The following UBXN7 variants were observed in gnomAD, a reference collection of about 807,000 sequenced individuals.
UBXN7 encodes UBX domain protein 7.
Under a neutral mutation model 58.0 loss-of-function variants are expected in UBXN7, and 9 were observed. The ratio of observed to expected loss-of-function variants is 0.16; its 90% CI spans 0.09 to 0.27. The LOEUF is 0.27. Among genes scored for constraint, UBXN7 ranks in the 10% least tolerant of loss-of-function variants. UBXN7 has a pLI of 1.00. For synonymous variants in UBXN7, 208 were observed against 205.0 expected, an observed-to-expected ratio of 1.01 and a Z score of -0.12; for missense variants, 328 against 599.6, an observed-to-expected ratio of 0.55 and a Z score of 4.73.
rs112850559 is a variant in UBXN7, at chr3:196,425,187, C to T, written c.73+7140G>A. On this transcript the variant is annotated intron_variant, in intron 1 of 10. Transcript: ENST00000296328. ...CTATTCCATACCTTCATAAATAGCACTGTTACATACCTAGGTGTCCAAAAC... is the reference window on the plus strand; with the variant it reads ...CTATTCCATACCTTCATAAATAGCATTGTTACATACCTAGGTGTCCAAAAC... Among the ~76,000 whole-genome samples the T allele has an allele frequency of 6.1e-3, 936 of 152,234 alleles. 5 individuals are homozygous for T. The highest frequency in any genetic ancestry group is 0.01 in the Non-Finnish European group (692 of 68,024).
chr3:196,414,312 G>A (rs191125140), intron 1 of UBXN7, among the ~76,000 whole-genome samples: 4 of 152,152 alleles, frequency 2.6e-5, no homozygotes, highest in Non-Finnish European at 4.4e-5. Flanking sequence ...TTTTCAATAC[G>A]CAGGCTAAAT....
intron 5 of UBXN7, among the ~76,000 whole-genome samples, chr3:196,389,609 C>T (rs1470945910): frequency 2.0e-5 from 3 of 152,244 alleles, no homozygotes; most frequent in Admixed American, 2.0e-4. Flanking sequence ...TTGCTCCTCG[C>T]ACCATGTGCT....
intron 1 of UBXN7, among the ~76,000 whole-genome samples, chr3:196,410,478 A>T (rs1038145181): frequency 6.6e-6 from 1 of 152,202 alleles, no homozygotes; most frequent in African/African-American, 2.4e-5. Context: ...ACCTTGCTGC[A>T]GAGGGTATCT....
At chr3:196,375,044 G>GGAAGGAAGGAAGGAAGGA (rs1728971678) in intron 5 of UBXN7, among the ~76,000 whole-genome samples, 1 of 90,122 alleles carries the variant, frequency 1.1e-5, no homozygotes, top group African/African-American at 4.7e-5. Flanking sequence ...GGAAGGAAGG[G>GGAAGGAAGGAAGGAAGGA]AAAGGAAAGG....
intron 5 of UBXN7, among the ~76,000 whole-genome samples, chr3:196,374,534 G>A (rs1377198466): frequency 6.6e-6 from 1 of 151,144 alleles, no homozygotes; most frequent in Non-Finnish European, 1.5e-5. Context: ...CTAAAAGGAA[G>A]GGTGCAAAGA....
At chr3:196,416,073 G>C (rs531222331) in intron 1 of UBXN7, 1 of 152,224 alleles carries the variant, frequency 6.6e-6, no homozygotes. Context: ...TGATGGTGAA[G>C]TGAAACTCAC....
Position 196,356,530 on chromosome 3 carries a change from T to C in UBXN7, c.*155A>G, listed in dbSNP as rs935898250. The stretch of plus-strand genomic sequence containing the variant: ...AAGAAACAAAGGGGGAGAAAGAGAC[T>C]GATTATAGGAGAGATCAAGAAATAA... On this transcript the variant is annotated 3_prime_UTR_variant, in exon 11 of 11. Transcript: ENST00000296328. The C allele has an allele frequency of 2.7e-6, 2 of 735,082 alleles. No individual in the cohort carries two copies. The highest frequency in any genetic ancestry group is 4.2e-6 in the Non-Finnish European group (2 of 473,000). 45.5% of individuals were successfully genotyped at this position (735,082 alleles called of 1,614,324 possible). A position where few individuals can be genotyped will look rare whatever the true frequency, so the allele number is the denominator to read the frequency against.
intron 3 of UBXN7, among the ~76,000 whole-genome samples, chr3:196,395,584 A>C (rs1265575535): frequency 2.0e-5 from 3 of 151,834 alleles, no homozygotes; most frequent in Non-Finnish European, 4.4e-5. Flanking sequence ...AGCTGGGACT[A>C]CAAGTGTGCA....
At chr3:196,418,753 T>C (rs374683419) in intron 1 of UBXN7, among the ~76,000 whole-genome samples, 1 of 152,078 alleles carries the variant, frequency 6.6e-6, no homozygotes, top group African/African-American at 2.4e-5. Context: ...ACAGAAAGGA[T>C]TCTACAGAGA....
At chr3:196,370,990 T>C (rs959172550) in intron 6 of UBXN7, among the ~76,000 whole-genome samples, 3 of 152,056 alleles carry the variant, frequency 2.0e-5, no homozygotes, top group Non-Finnish European at 2.9e-5. Flanking sequence ...TGCCACTGCA[T>C]TGCAGCCTGG....
intron 5 of UBXN7, among the ~76,000 whole-genome samples, chr3:196,384,283 G>A (rs1253292102): frequency 1.3e-5 from 2 of 152,112 alleles, no homozygotes; most frequent in Non-Finnish European, 2.9e-5. Flanking sequence ...ACCAATAACA[G>A]GCTCTGAAAT....
chr3:196,421,888 C>T (rs1730698690), intron 1 of UBXN7, among the ~76,000 whole-genome samples: 1 of 151,922 alleles, frequency 6.6e-6, no homozygotes, highest in Middle Eastern at 3.2e-3. Context: ...CCATTACACA[C>T]TTATTGAAAT....
chr3:196,357,422 A>G (rs967679430), intron 10 of UBXN7, among the ~76,000 whole-genome samples: 13 of 152,150 alleles, frequency 8.5e-5, no homozygotes, highest in Non-Finnish European at 1.8e-4. Flanking sequence ...CAAGGGATTC[A>G]TTCACAGGCT....
chr3:196,432,083 G>A (rs1157405830), intron 1 of UBXN7: 2 of 627,470 alleles, frequency 3.2e-6, no homozygotes, highest in Non-Finnish European at 5.7e-6. Context: ...GGCTGGCGGG[G>A]GGTTGGGGGA....
chr3:196,404,484 A>C (rs918455785), intron 2 of UBXN7, among the ~76,000 whole-genome samples: 4 of 151,816 alleles, frequency 2.6e-5, no homozygotes, highest in African/African-American at 9.7e-5. Context: ...GGATGGTCTC[A>C]ATCTCCTGAC....
intron 5 of UBXN7, among the ~76,000 whole-genome samples, chr3:196,383,729 T>A (rs930379380): frequency 6.6e-6 from 1 of 152,118 alleles, no homozygotes; most frequent in Admixed American, 6.6e-5. Flanking sequence ...AAGGCAGAAA[T>A]AATGATGTTC....
chr3:196,420,251 G>A lies in UBXN7; in HGVS notation c.73+12076C>T, dbSNP rs553771869. On this transcript the variant is annotated intron_variant, in intron 1 of 10. Transcript: ENST00000296328. ...AACTTGTTAAAAATGGGCTTTTTGGGACTGGGTGCAGTGTCTCATATCTGT... is the reference window on the plus strand; with the variant it reads ...AACTTGTTAAAAATGGGCTTTTTGGAACTGGGTGCAGTGTCTCATATCTGT... 1.7e-3 allele frequency among the ~76,000 whole-genome samples: 264 copies of A among 152,098 alleles called. 2 individuals are homozygous for A. The highest frequency in any genetic ancestry group is 3.1e-3 in the Non-Finnish European group (208 of 68,000).
rs764518473 is a variant in UBXN7 at position 196,362,326 on chromosome 3, G to A, written c.1196C>T (p.Ala399Val). The part of the protein sequence containing the change: ...SEILEMPPEK[A>V]DGVVEGIDVN... Reference sequence around the variant, plus strand: ...ATCTATCCCCTCCACTACTCCATCTGCTTTTTCAGGTGGCATCTCCAGTAT... The same window carrying A: ...ATCTATCCCCTCCACTACTCCATCTACTTTTTCAGGTGGCATCTCCAGTAT... The change falls in exon 9 of 11, where the codon GCA becomes GTA. Residue 399 changes from alanine to valine, a missense_variant. Ala to Val is a moderately conservative substitution (Grantham distance 64, BLOSUM62 0). Coordinates refer to ENST00000296328, the MANE Select transcript of UBXN7 (RefSeq NM_015562.2). 4 of 1,611,468 alleles carry A rather than the reference G, an allele frequency of 2.5e-6. No individual in the cohort carries two copies. The highest frequency in any genetic ancestry group is 3.4e-6 in the Non-Finnish European group (4 of 1,179,078).
Position 196,362,337 on chromosome 3 carries a change from T to C in UBXN7, c.1185A>G (p.Pro395=). ...CCACTACTCCATCTGCTTTTTCAGG[T>C]GGCATCTCCAGTATCTCTGAATCCA... The part of the protein sequence containing the change: ...PAVDSEILEM[P]PEKADGVVEG... The change falls in exon 9 of 11, where the codon CCA becomes CCG. Residue 395 remains proline, a synonymous_variant. Transcript: ENST00000296328. 6.2e-7 allele frequency: 1 copy of C among 1,612,698 alleles called. No individual in the cohort carries two copies. Among genetic ancestry groups the C allele is most frequent in the Non-Finnish European group, 8.5e-7 (1 of 1,179,484 alleles).
Sources: allele counts gnomAD v4.1 joint callset (sites outside exome capture counted in the v4.1 genomes callset), GRCh38; gene constraint gnomAD v4.1.1; transcripts MANE v1.5; gene names NCBI Gene and HGNC (gene_info 2026-07-23, HGNC 2026-07-21).